The following NPNT variants were observed in gnomAD, a reference collection of about 807,000 sequenced individuals.
The protein encoded by NPNT is preosteoblast EGF-like repeat protein with MAM domain.
A neutral mutation model predicts 68.6 loss-of-function variants in NPNT; 45 were observed. That is an observed-to-expected ratio of 0.66 (90% CI 0.52 to 0.84). NPNT has a LOEUF of 0.84. NPNT is among the 40% of genes least tolerant of loss of function. The probability of loss-of-function intolerance (pLI) is 0.00; values close to 1 mark genes in which losing one functional copy is unlikely to be tolerated. For synonymous variants in NPNT, 233 were observed against 253.3 expected, an observed-to-expected ratio of 0.92 and a Z score of 0.76; for missense variants, 672 against 714.8, an observed-to-expected ratio of 0.94 and a Z score of 0.68.
intron 2 of NPNT, among the ~76,000 whole-genome samples, chr4:105,921,305 G>A (rs1022612768): frequency 3.3e-5 from 5 of 152,108 alleles, no homozygotes; most frequent in African/African-American, 1.2e-4. Flanking sequence ...AAGAAGTAGT[G>A]GATTGAGCAT....
chr4:105,949,715 T>C (rs754098260), intron 8 of NPNT, among the ~76,000 whole-genome samples: 9 of 152,220 alleles, frequency 5.9e-5, no homozygotes, highest in Non-Finnish European at 1.3e-4. Flanking sequence ...CTTATATAAC[T>C]ATTAAACATG....
intron 1 of NPNT, 22 bp from the exon 2 acceptor site, chr4:105,897,879 T>C: frequency 6.4e-7 from 1 of 1,572,644 alleles, no homozygotes; most frequent in Non-Finnish European, 8.8e-7. Context: ...CCTTATTTAT[T>C]TTGAATCTTT....
intron 2 of NPNT, among the ~76,000 whole-genome samples, chr4:105,903,294 T>A (rs566420339): frequency 6.6e-6 from 1 of 152,262 alleles, no homozygotes; most frequent in African/African-American, 2.4e-5. Context: ...TTGAATCCAC[T>A]GTATGCTTTC....
chr4:105,925,781 G>T (rs902430297), intron 2 of NPNT, among the ~76,000 whole-genome samples: 5 of 152,042 alleles, frequency 3.3e-5, no homozygotes, highest in Admixed American at 3.3e-4. Flanking sequence ...AAACTATTTC[G>T]CTGGCCTTGC....
At chr4:105,903,585 T>C (rs896315779) in intron 2 of NPNT, among the ~76,000 whole-genome samples, 1 of 152,174 alleles carries the variant, frequency 6.6e-6, no homozygotes, top group African/African-American at 2.4e-5. Flanking sequence ...TAAATATCCC[T>C]CCTCAGAGCA....
At chr4:105,927,087 A>G (rs1261065594) in intron 2 of NPNT, 1 of 257,804 alleles carries the variant, frequency 3.9e-6, no homozygotes, top group East Asian at 7.0e-5. Flanking sequence ...TTATTTGTCT[A>G]TTTGAGTATT....
At chr4:105,940,979 T>C (rs1729900612) in intron 7 of NPNT, among the ~76,000 whole-genome samples, 1 of 152,124 alleles carries the variant, frequency 6.6e-6, no homozygotes, top group African/African-American at 2.4e-5. Flanking sequence ...ATTTTGATGG[T>C]GGGATAATCT....
intron 1 of NPNT, among the ~76,000 whole-genome samples, chr4:105,896,567 G>T (rs113522083): frequency 3.3e-4 from 51 of 152,268 alleles, no homozygotes; most frequent in African/African-American, 1.2e-3. Context: ...TGCGAAAAGA[G>T]GTTTTACTCT....
chr4:105,971,149 A>G lies in NPNT; in HGVS notation c.*2159A>G. 4.4e-6 allele frequency: 2 copies of G among 455,496 alleles called. No homozygotes were observed. The highest frequency in any genetic ancestry group is 3.1e-5 in the South Asian group (2 of 64,500). 28.2% of individuals were successfully genotyped at this position (455,496 alleles called of 1,614,324 possible). A position where few individuals can be genotyped will look rare whatever the true frequency, so the allele number is the denominator to read the frequency against. On this transcript the variant is annotated 3_prime_UTR_variant, in exon 12 of 12. Transcript: ENST00000379987. ...AGGAACACAGTTCAGAGAGATTTTCATCGGGTGCATTCTCTCTGCTTCGTG... is the reference window on the plus strand; with the variant it reads ...AGGAACACAGTTCAGAGAGATTTTCGTCGGGTGCATTCTCTCTGCTTCGTG...
At chr4:105,961,987 G>A (rs28680976) in intron 10 of NPNT, among the ~76,000 whole-genome samples, 7 of 152,224 alleles carry the variant, frequency 4.6e-5, no homozygotes, top group East Asian at 3.9e-4. Context: ...GGGTTGAGTC[G>A]AAGTTATGGC....
chr4:105,951,201 T>C (rs1578668322), intron 8 of NPNT, among the ~76,000 whole-genome samples: 2 of 152,216 alleles, frequency 1.3e-5, no homozygotes, highest in East Asian at 3.9e-4. Flanking sequence ...CTGACTCATG[T>C]AAAATAAAAA....
chr4:105,912,048 A>ATTT, intron 2 of NPNT: 2 of 648,280 alleles, frequency 3.1e-6, no homozygotes, highest in African/African-American at 1.8e-5. Context: ...CATGTCCTAG[A>ATTT]TTTTTTTTTG....
Position 105,969,823 on chromosome 4 carries a change from A to G in NPNT, c.*833A>G, listed in dbSNP as rs1011267628. 6.6e-6 allele frequency: 1 copy of G among 151,406 alleles called. No individual in the cohort carries two copies. Among genetic ancestry groups the G allele is most frequent in the African/African-American group, 2.4e-5 (1 of 41,256 alleles). 9.4% of individuals were successfully genotyped at this position (151,406 alleles called of 1,614,324 possible). ...TTGGGTTGTGGTAACGGAGTGATGA[A>G]TTTTTTTTTAATGGCCTTGAGTTTG... On this transcript the variant is annotated 3_prime_UTR_variant, in exon 12 of 12. Transcript: ENST00000379987.
Position 105,969,258 on chromosome 4 carries a change from C to A in NPNT, c.*268C>A. 3.1e-6 allele frequency: 1 copy of A among 324,060 alleles called. No individual in the cohort carries two copies. Among genetic ancestry groups the A allele is most frequent in the Non-Finnish European group, 5.7e-6 (1 of 174,944 alleles). The allele number at this position is 324,060 out of a possible 1,614,324, so 20.1% of individuals were successfully genotyped here. A position where few individuals can be genotyped will look rare whatever the true frequency, so the allele number is the denominator to read the frequency against. On this transcript the variant is annotated 3_prime_UTR_variant, in exon 12 of 12. Transcript: ENST00000379987. ...CCATCCTGTGTCTCTTTCAGGAAGG[C>A]ATTCAGCATGCGTGAGCCATACCAT...
chr4:105,966,116 C>T (rs905835887), intron 10 of NPNT, among the ~76,000 whole-genome samples: 2 of 152,148 alleles, frequency 1.3e-5, no homozygotes, highest in Non-Finnish European at 2.9e-5. Context: ...TAACTGAAAA[C>T]TAAATGGGAT....
chr4:105,959,984 TA>T (rs778952557), intron 10 of NPNT, among the ~76,000 whole-genome samples: 10 of 152,106 alleles, frequency 6.6e-5, no homozygotes, highest in Non-Finnish European at 8.8e-5. Flanking sequence ...TAATTTTTTG[TA>T]ATTTTTAGTA....
chr4:105,898,266 T>G (rs1726048608), intron 2 of NPNT: 1 of 294,038 alleles, frequency 3.4e-6, no homozygotes, highest in Non-Finnish European at 6.2e-6. Flanking sequence ...CTGCATCTCC[T>G]TCCTGTTTTC....
At chr4:105,946,989 G>A (rs111559401) in intron 8 of NPNT, among the ~76,000 whole-genome samples, 17 of 152,200 alleles carry the variant, frequency 1.1e-4, no homozygotes, top group Admixed American at 5.9e-4. Flanking sequence ...TATCTCAACC[G>A]CATGAGACAG....
chr4:105,966,002 C>T (rs1351748462), intron 10 of NPNT, among the ~76,000 whole-genome samples: 2 of 120,406 alleles, frequency 1.7e-5, no homozygotes, highest in African/African-American at 5.8e-5. Flanking sequence ...TATAGAGCTC[C>T]GACGGGACTT....
Sources: gnomAD v4.1 joint callset for allele counts (sites outside exome capture counted in the v4.1 genomes callset) on GRCh38, gnomAD v4.1.1 for gene constraint, MANE v1.5 for transcripts, NCBI Gene and HGNC (gene_info 2026-07-23, HGNC 2026-07-21) for gene names.